The following PRH1 variants were observed in gnomAD, a reference collection of about 807,000 sequenced individuals.
PRH1 encodes salivary acidic proline-rich phosphoprotein 1/2.
A neutral mutation model predicts 7.9 loss-of-function variants in PRH1; 7 were observed. That is an observed-to-expected ratio of 0.89 (90% CI 0.50 to 1.67). PRH1 has a LOEUF of 1.67. Among genes scored for constraint, PRH1 ranks in the 40% most tolerant of loss-of-function variants. The pLI, the probability that PRH1 is intolerant of heterozygous loss-of-function variation, is 0.00. For synonymous variants in PRH1, 45 were observed against 80.8 expected (o/e 0.56, Z 2.38); for missense variants, 109 against 223.6 (o/e 0.49, Z 3.27).
At chr12:11,069,678 T>C (rs1214752703) in intron 1 of PRH1, among the ~76,000 whole-genome samples, 1 of 152,126 alleles carries the variant, frequency 6.6e-6, no homozygotes, top group African/African-American at 2.4e-5. Context: ...TTGGAATGAG[T>C]TCATAAGCCA....
At chr12:11,143,369 C>CA (rs1192627060) in intron 1 of PRH1, among the ~76,000 whole-genome samples, 1 of 151,414 alleles carries the variant, frequency 6.6e-6, no homozygotes, top group Non-Finnish European at 1.5e-5. Context: ...TGGATACACA[C>CA]AAAAAAATAA....
chr12:10,949,116 G>A (rs1950531389), intron 2 of PRH1, among the ~76,000 whole-genome samples: 1 of 152,182 alleles, frequency 6.6e-6, no homozygotes, highest in African/African-American at 2.4e-5. Flanking sequence ...TGGAATCTCA[G>A]TGTTTATATT....
At chr12:11,162,970 A>G (rs1947460753) in intron 1 of PRH1, among the ~76,000 whole-genome samples, 1 of 152,228 alleles carries the variant, frequency 6.6e-6, no homozygotes, top group Non-Finnish European at 1.5e-5. Context: ...ATTGCTATAT[A>G]GTACTATGAA....
chr12:11,149,021 GTA>G (rs1463602876), intron 1 of PRH1, among the ~76,000 whole-genome samples: 10 of 150,966 alleles, frequency 6.6e-5, no homozygotes, highest in Non-Finnish European at 1.3e-4. Flanking sequence ...TTGGGAGAGT[GTA>G]TGTGTCAAGG....
intron 1 of PRH1, among the ~76,000 whole-genome samples, chr12:11,169,360 A>G (rs1273858300): frequency 6.6e-6 from 1 of 152,204 alleles, no homozygotes; most frequent in Non-Finnish European, 1.5e-5. Flanking sequence ...GGAAAGAAGG[A>G]AATCTTTCTT....
chr12:11,022,079 T>C (rs1196892819), intron 1 of PRH1: 1 of 1,613,844 alleles, frequency 6.2e-7, no homozygotes, highest in Non-Finnish European at 8.5e-7. Context: ...AATTTGATCT[T>C]CCAAGTCACA....
In PRH1 at chr12:11,168,440, AAAG is replaced by A. The variant is rs1177710436; in HGVS notation, n.39+2979_39+2981del. 4.6e-3 allele frequency among the ~76,000 whole-genome samples: 654 copies of A among 143,654 alleles called. 8 individuals carry two copies. The highest frequency in any genetic ancestry group is 0.014 in the Middle Eastern group (4 of 290). 94.2% of individuals were successfully genotyped at this position (143,654 alleles called of 152,430 possible). The stretch of plus-strand genomic sequence containing the variant: ...AGAAAGGAAAAGAAAAGAAAAGAAA[AAAG>A]AAAGAAAGAAAGAGAAAAGAAAAAT... On this transcript the variant is annotated intron_variant and non_coding_transcript_variant, in intron 1 of 1. Transcript: ENST00000541175.
rs117321861 is a variant in PRH1 at position 11,134,685 on chromosome 12, G to A, written n.40-13505C>T. 1,502 of 164,436 alleles carry A rather than the reference G, an allele frequency of 9.1e-3. 11 individuals are homozygous for A. Among genetic ancestry groups the A allele is most frequent in the Middle Eastern group, 0.015 (5 of 328 alleles). The allele number at this position is 164,436 out of a possible 1,614,324, so 10.2% of individuals were successfully genotyped here. A position where few individuals can be genotyped will look rare whatever the true frequency, so the allele number is the denominator to read the frequency against. Reference sequence around the variant, plus strand: ...AGTTTTATAACCCGATATGTAGATCGTATAGTAAATGTCTAAAATCTTAAA... The same window carrying A: ...AGTTTTATAACCCGATATGTAGATCATATAGTAAATGTCTAAAATCTTAAA... On this transcript the variant is annotated intron_variant and non_coding_transcript_variant, in intron 1 of 1. Coordinates refer to the PRH1 transcript ENST00000541175.
intron 2 of PRH1, chr12:10,931,288 A>T (rs1395475678): frequency 2.8e-6 from 3 of 1,059,080 alleles, no homozygotes; most frequent in Non-Finnish European, 2.7e-6. Flanking sequence ...GAGAATCACT[A>T]TCTTCAAATT....
intron 2 of PRH1, among the ~76,000 whole-genome samples, chr12:10,912,028 A>G (rs898961385): frequency 6.6e-6 from 1 of 152,186 alleles, no homozygotes; most frequent in Non-Finnish European, 1.5e-5. Flanking sequence ...ACATGAATGG[A>G]ATAATACTGT....
At chr12:10,883,584 A>T (rs917186702) in intron 1 of PRH1, among the ~76,000 whole-genome samples, 1 of 152,182 alleles carries the variant, frequency 6.6e-6, no homozygotes, top group African/African-American at 2.4e-5. Context: ...TCTCAACAGG[A>T]GCCACCAGAC....
At chr12:11,160,616 G>A (rs186099657) in intron 1 of PRH1, among the ~76,000 whole-genome samples, 1 of 152,000 alleles carries the variant, frequency 6.6e-6, no homozygotes, top group African/African-American at 2.4e-5. Context: ...GACTATAGGC[G>A]AGCACCACCA....
At chr12:11,114,520 G>C (rs1010438508) in intron 1 of PRH1, among the ~76,000 whole-genome samples, 1 of 152,130 alleles carries the variant, frequency 6.6e-6, no homozygotes, top group Admixed American at 6.6e-5. Flanking sequence ...GGTGAGGGGG[G>C]CTAGGGATAG....
intron 2 of PRH1, among the ~76,000 whole-genome samples, chr12:10,902,222 T>A (rs1025199508): frequency 1.3e-5 from 2 of 151,950 alleles, no homozygotes; most frequent in Non-Finnish European, 2.9e-5. Context: ...TAAAGTACAA[T>A]TGAATTCATA....
At chr12:10,922,468 T>G (rs1181166524) in intron 2 of PRH1, among the ~76,000 whole-genome samples, 3 of 152,200 alleles carry the variant, frequency 2.0e-5, no homozygotes, top group African/African-American at 7.2e-5. Context: ...TGATTTAACA[T>G]TTTACTACTT....
chr12:10,925,232 G>A (rs1218397293), intron 2 of PRH1, among the ~76,000 whole-genome samples: 1 of 152,114 alleles, frequency 6.6e-6, no homozygotes, highest in African/African-American at 2.4e-5. Flanking sequence ...CATGAGCTCA[G>A]ATAACACCTT....
intron 2 of PRH1, among the ~76,000 whole-genome samples, chr12:10,942,776 TTC>T (rs1950423626): frequency 6.6e-6 from 1 of 152,216 alleles, no homozygotes; most frequent in Non-Finnish European, 1.5e-5. Context: ...GGTGATTTCC[TTC>T]TCTCTGTGGC....
At chr12:11,023,502 T>C (rs1565562369) in intron 1 of PRH1, among the ~76,000 whole-genome samples, 2 of 152,192 alleles carry the variant, frequency 1.3e-5, no homozygotes, top group Admixed American at 6.5e-5. Context: ...TACCCTACTC[T>C]TTGTCACATA....
intron 2 of PRH1, among the ~76,000 whole-genome samples, chr12:10,890,395 G>A (rs1217107420): frequency 6.6e-6 from 1 of 152,014 alleles, no homozygotes; most frequent in African/African-American, 2.4e-5. Context: ...GTGTGTGTGT[G>A]TGTGTGTTTG....
Sources: gnomAD v4.1 joint callset for allele counts (sites outside exome capture counted in the v4.1 genomes callset) on GRCh38, gnomAD v4.1.1 for gene constraint, MANE v1.5 for transcripts, NCBI Gene and HGNC (gene_info 2026-07-23, HGNC 2026-07-21) for gene names.